Variants in CYP4F3 observed in about 807,000 individuals in gnomAD.
The protein encoded by CYP4F3 is cytochrome P450 4F3.
CYP4F3 carries 50 observed loss-of-function variants against 54.8 expected under a neutral mutation model. The ratio of observed to expected loss-of-function variants is 0.91; its 90% CI spans 0.73 to 1.16. CYP4F3 has a LOEUF of 1.16. Among genes scored for constraint, CYP4F3 ranks in the 50% most tolerant of loss-of-function variants. The pLI is 0.00. For missense variants in CYP4F3, 715 were observed against 676.2 expected (o/e 1.06, Z -0.64); for synonymous variants, 244 against 262.6 (o/e 0.93, Z 0.69).
rs35085396 is a variant in CYP4F3 at position 15,656,284 on chromosome 19, G to GTA, written c.1116-1963_1116-1962dup. On this transcript the variant is annotated intron_variant, in intron 9 of 12. Coordinates refer to ENST00000221307, the MANE Select transcript of CYP4F3 (RefSeq NM_000896.3). ...TAAAGGCTAAATGGGATTCCATTGTGTATATATATATATATATACACCACA... is the reference window on the plus strand; with the variant it reads ...TAAAGGCTAAATGGGATTCCATTGTGTATATATATATATATATATACACCACA... Among the ~76,000 whole-genome samples, 312 of 150,408 alleles carry GTA rather than the reference G, an allele frequency of 2.1e-3. 2 individuals are homozygous for GTA. Among genetic ancestry groups the GTA allele is most frequent in the South Asian group, 3.4e-3 (16 of 4,754 alleles).
At chr19:15,658,631 C>A (rs1443206086) in intron 11 of CYP4F3, 76 bp downstream of exon 11, 9 of 1,608,540 alleles carry the variant, frequency 5.6e-6, no homozygotes, top group Non-Finnish European at 7.6e-6. Flanking sequence ...TCAGGAGAAT[C>A]CAACATCACC....
intron 2 of CYP4F3, among the ~76,000 whole-genome samples, chr19:15,642,550 C>A (rs1972495741): frequency 6.6e-6 from 1 of 152,218 alleles, no homozygotes; most frequent in South Asian, 2.1e-4. Context: ...CCACAAACCT[C>A]CCCTGTGAGG....
intron 9 of CYP4F3, among the ~76,000 whole-genome samples, chr19:15,654,531 C>T (rs1972963235): frequency 6.6e-6 from 1 of 152,138 alleles, no homozygotes; most frequent in Admixed American, 6.5e-5. Context: ...TTATCCTTCC[C>T]TCCCCTCTGC....
intron 7 of CYP4F3, among the ~76,000 whole-genome samples, chr19:15,650,748 TCCATC>T (rs1972801458): frequency 8.6e-6 from 1 of 116,840 alleles, no homozygotes; most frequent in Admixed American, 9.0e-5. Context: ...TTTCCTTCCT[TCCATC>T]TTTCTTTCTT....
In CYP4F3 at chr19:15,650,697, TTTCTTTC is replaced by T. The variant is rs1972784502; in HGVS notation, c.918+517_918+523del. 4.0e-5 allele frequency among the ~76,000 whole-genome samples: 3 copies of T among 75,720 alleles called. 1 individual carries two copies. Among genetic ancestry groups the T allele is most frequent in the African/African-American group, 2.6e-4 (3 of 11,660 alleles). 49.7% of individuals were successfully genotyped at this position (75,720 alleles called of 152,430 possible). A position where few individuals can be genotyped will look rare whatever the true frequency, so the allele number is the denominator to read the frequency against. On this transcript the variant is annotated intron_variant, in intron 7 of 12. Transcript: ENST00000221307. ...CTTTCTTTCTTTCTTTCTTTCTTTC[TTTCTTTC>T]TTTCTTTCTTTCTTTCTTTCTTTCT...
chr19:15,654,209 TAAAG>T (rs952140895), intron 9 of CYP4F3, among the ~76,000 whole-genome samples: 1 of 152,192 alleles, frequency 6.6e-6, no homozygotes, highest in African/African-American at 2.4e-5. Flanking sequence ...GCTTCTAAAA[TAAAG>T]AATATTTTTG....
rs1036563606 is a variant in CYP4F3 at position 15,659,606 on chromosome 19, A to G, written c.*221A>G. ...AACGATGAAAACAACCCCAAGCTAT[A>G]TATTACCAGATGAAAGGATAAACAA... On this transcript the variant is annotated 3_prime_UTR_variant, in exon 13 of 13. Transcript: ENST00000221307. 27 of 734,156 alleles carry G rather than the reference A, an allele frequency of 3.7e-5. No individual in the cohort carries two copies. In the African/African-American group the frequency reaches 4.4e-4, roughly 12 times the overall value. The allele number at this position is 734,156 out of a possible 1,614,324, so 45.5% of individuals were successfully genotyped here. A position where few individuals can be genotyped will look rare whatever the true frequency, so the allele number is the denominator to read the frequency against.
intron 2 of CYP4F3, chr19:15,643,871 C>A: frequency 1.3e-6 from 2 of 1,503,928 alleles, no homozygotes; most frequent in Non-Finnish European, 1.8e-6. Flanking sequence ...TAGAATTAAC[C>A]ATGACAGGAG....
intron 7 of CYP4F3, among the ~76,000 whole-genome samples, chr19:15,650,933 G>A (rs1041459286): frequency 6.9e-6 from 1 of 145,266 alleles, no homozygotes; most frequent in East Asian, 2.0e-4. Flanking sequence ...GCAGTGCAAT[G>A]GCATGATTTT....
At chr19:15,658,872 G>A in intron 12 of CYP4F3, 63 bp downstream of exon 12, 1 of 1,573,276 alleles carries the variant, frequency 6.4e-7, no homozygotes, top group Non-Finnish European at 8.7e-7. Flanking sequence ...GGGCATGACA[G>A]TGGGGAAAAG....
rs1434811463 is a variant in CYP4F3 at position 15,650,658 on chromosome 19, CTTTTTCTTTCTTTCTT to C, written c.918+477_918+492del. On this transcript the variant is annotated intron_variant, in intron 7 of 12. Coordinates refer to ENST00000221307, the MANE Select transcript of CYP4F3 (RefSeq NM_000896.3). ...TGTGCTCTCCCTCCCTCCCTGCCTT[CTTTTTCTTTCTTTCTT>C]TCTTTCTTTCTTTCTTTCTTTCTTT... 2.6e-4 allele frequency among the ~76,000 whole-genome samples: 19 copies of C among 71,852 alleles called. 1 individual carries two copies. The highest frequency in any genetic ancestry group is 1.3e-3 in the African/African-American group (18 of 13,376). 47.1% of individuals were successfully genotyped at this position (71,852 alleles called of 152,430 possible). A position where few individuals can be genotyped will look rare whatever the true frequency, so the allele number is the denominator to read the frequency against.
At chr19:15,653,831 A>G (rs1477632064) in intron 9 of CYP4F3, among the ~76,000 whole-genome samples, 1 of 151,296 alleles carries the variant, frequency 6.6e-6, no homozygotes. Context: ...AGAGGGAGAG[A>G]CTGACTTGTG....
Position 15,659,337 on chromosome 19 carries a change from C to G in CYP4F3, c.1515C>G (p.Val505=), listed in dbSNP as rs969196272. ...AGCCCCGCAGGAAGCCGGAGCTGGT[C>G]CTGCGCGCAGAGGGCGGACTTTGGC... The part of the protein sequence containing the change: ...HTEPRRKPEL[V]LRAEGGLWLR... Residue 505 remains valine (V), a synonymous_variant, in exon 13 of 13, where the codon GTC becomes GTG. Transcript: ENST00000221307. The G allele has an allele frequency of 1.2e-6, 2 of 1,613,532 alleles. No individual in the cohort carries two copies. Among genetic ancestry groups the G allele is most frequent in the African/African-American group, 2.7e-5 (2 of 74,930 alleles).
At chr19:15,643,969 C>T (rs769783056) in intron 2 of CYP4F3, 2 of 1,607,338 alleles carry the variant, frequency 1.2e-6, no homozygotes. Context: ...ACCCCCAGGG[C>T]TTTAAGGTCT....
intron 5 of CYP4F3, among the ~76,000 whole-genome samples, chr19:15,648,898 G>A (rs1972704565): frequency 1.3e-5 from 2 of 152,144 alleles, no homozygotes; most frequent in Admixed American, 1.3e-4. Flanking sequence ...TATAGGGGAG[G>A]GTAATGAGTT....
At chr19:15,649,036 G>A in intron 5 of CYP4F3, 124 bp from the exon 6 acceptor site, 1 of 1,456,964 alleles carries the variant, frequency 6.9e-7, no homozygotes, top group Non-Finnish European at 9.1e-7. Flanking sequence ...GTGCTCCCGG[G>A]TAAAGGGTCC....
At position 15,646,215 on chromosome 19, in the gene CYP4F3, G is replaced by A. The variant is rs544870362; in HGVS notation, c.343+352G>A. Among the ~76,000 whole-genome samples, 13 of 152,320 alleles carry A rather than the reference G, an allele frequency of 8.5e-5. No homozygotes were observed. The South Asian group carries it at 2.7e-3, about 32-fold the overall frequency. On this transcript the variant is annotated intron_variant, in intron 3 of 12. Coordinates refer to ENST00000221307, the MANE Select transcript of CYP4F3 (RefSeq NM_000896.3). ...ACTGAGGTCATGTAGAGCTGGTCAT[G>A]TGTGGAGTTCATGTGTGGCCAAGGA...
At chr19:15,643,346 A>G (rs947199564) in intron 2 of CYP4F3, among the ~76,000 whole-genome samples, 8 of 150,424 alleles carry the variant, frequency 5.3e-5, no homozygotes, top group Non-Finnish European at 1.0e-4. Flanking sequence ...AGATAGATAC[A>G]TACATACATA....
Position 15,650,658 on chromosome 19 carries a change from CTTTTTCTT to C in CYP4F3, c.918+477_918+484del, listed in dbSNP as rs1370764365. Among the ~76,000 whole-genome samples, 179 of 71,896 alleles carry C rather than the reference CTTTTTCTT, an allele frequency of 2.5e-3. 1 individual carries two copies. Among genetic ancestry groups the C allele is most frequent in the African/African-American group, 0.013 (169 of 13,428 alleles). The allele number at this position is 71,896 out of a possible 152,430, so 47.2% of individuals were successfully genotyped here. A position where few individuals can be genotyped will look rare whatever the true frequency, so the allele number is the denominator to read the frequency against. ...TGTGCTCTCCCTCCCTCCCTGCCTT[CTTTTTCTT>C]TCTTTCTTTCTTTCTTTCTTTCTTT... On this transcript the variant is annotated intron_variant, in intron 7 of 12. Coordinates refer to ENST00000221307, the MANE Select transcript of CYP4F3 (RefSeq NM_000896.3).
Sources: allele counts gnomAD v4.1 joint callset (sites outside exome capture counted in the v4.1 genomes callset), GRCh38; gene constraint gnomAD v4.1.1; transcripts MANE v1.5; gene names NCBI Gene and HGNC (gene_info 2026-07-23, HGNC 2026-07-21).